NRAP: variants seen among roughly 807,000 people sequenced by gnomAD.
NRAP encodes nebulin-related-anchoring protein.
In NRAP, 189 loss-of-function variants were observed where a neutral mutation model predicts 225.9. That is an observed-to-expected ratio of 0.84 (90% CI 0.74 to 0.94). The LOEUF (loss-of-function observed/expected upper bound fraction) is 0.94. Among genes scored for constraint, NRAP ranks in the 40% least tolerant of loss-of-function variants. The probability of loss-of-function intolerance (pLI) is 0.00; values close to 1 mark genes in which losing one functional copy is unlikely to be tolerated. For missense variants in NRAP, 2,176 were observed against 2,168.7 expected (o/e 1.00, Z -0.07); for synonymous variants, 769 against 790.7 (o/e 0.97, Z 0.46).
chr10:113,650,081 C>T lies in NRAP; in HGVS notation c.844G>A (p.Ala282Thr), dbSNP rs2275799. 428,495 of 1,607,864 alleles carry T rather than the reference C, an allele frequency of 0.27. 58,513 individuals carry two copies. Among genetic ancestry groups the T allele is most frequent in the African/African-American group, 0.37 (27,346 of 74,794 alleles). Residue 282 changes from alanine (A) to threonine (T), a missense_variant, in exon 9 of 42, where the codon GCT (alanine) becomes ACT (threonine). Transcript: ENST00000359988. Reference sequence around the variant, plus strand: ...CATTCCCTTGTCAAGATGCCCTCAGCTCCAATGGCTGGACCAGCCATTCCC... The same window carrying T: ...CATTCCCTTGTCAAGATGCCCTCAGTTCCAATGGCTGGACCAGCCATTCCC... Reference protein sequence around the residue: ...MRGMAGPAIGAEGILTRECAD... With the variant: ...MRGMAGPAIGTEGILTRECAD...
chr10:113,652,804 T>G (rs1850060330), intron 6 of NRAP, 131 bp downstream of exon 6: 1 of 658,162 alleles, frequency 1.5e-6, no homozygotes, highest in African/African-American at 1.8e-5. Flanking sequence ...AACACAGTTT[T>G]CTCTGTAATA....
At chr10:113,610,428 C>T (rs771198801) in intron 31 of NRAP, 31 bp downstream of exon 31, 5 of 981,706 alleles carry the variant, frequency 5.1e-6, no homozygotes, top group South Asian at 1.3e-5. Context: ...TGGAAATGTC[C>T]TGGACACTCA....
chr10:113,648,585 T>G (rs1239971679), intron 9 of NRAP, among the ~76,000 whole-genome samples: 1 of 151,726 alleles, frequency 6.6e-6, no homozygotes, highest in Admixed American at 6.6e-5. Context: ...AAAAGAAGAA[T>G]GAATTGGTTG....
In NRAP at chr10:113,598,034, C is replaced by T. The variant is rs767729370; in HGVS notation, c.4267G>A (p.Gly1423Arg). The T allele has an allele frequency of 6.8e-6, 11 of 1,613,726 alleles. No individual in the cohort carries two copies. Among genetic ancestry groups the T allele is most frequent in the Admixed American group, 1.7e-5 (1 of 59,958 alleles). ...TGTGGGGATCTCAGCGCCAGCCATC[C>T]TATGCCCTTCATGCCGATCAGGTCT... is the stretch of plus-strand genomic sequence containing the variant. ...KSDLIGMKGI[G>R]WLALRSPQME... is the part of the protein sequence containing the mutation. Residue 1423 changes from glycine (G) to arginine (R), a missense_variant, in exon 36 of 42, where the codon GGA (glycine) becomes AGA (arginine). Gly to Arg is a moderately radical substitution (Grantham distance 125). Around this residue, in one of 3 missense-constraint regions of NRAP, gnomAD observed 445 missense variants for 426.1 expected, o/e 1.04. Coordinates refer to ENST00000359988, the MANE Select transcript of NRAP (RefSeq NM_198060.4).
intron 18 of NRAP, 103 bp downstream of exon 18, chr10:113,631,406 G>T: frequency 1.5e-6 from 1 of 663,160 alleles, no homozygotes. Context: ...GTTGCAGGTA[G>T]AAGTCAATAA....
At chr10:113,594,457 A>G (rs1478336102) in intron 38 of NRAP, among the ~76,000 whole-genome samples, 7 of 152,170 alleles carry the variant, frequency 4.6e-5, no homozygotes, top group Admixed American at 4.6e-4. Context: ...CCCCAAATGC[A>G]CTGGCAGCTT....
At chr10:113,662,903 G>A (rs888720489) in intron 2 of NRAP, 137 bp from the exon 3 acceptor site, 5 of 467,424 alleles carry the variant, frequency 1.1e-5, no homozygotes, top group East Asian at 3.5e-5. Flanking sequence ...AATTAAGTTC[G>A]TGATTTTCCA....
chr10:113,592,419 A>G (rs1846045024), intron 38 of NRAP, 118 bp from the exon 39 acceptor site: 2 of 577,050 alleles, frequency 3.5e-6, no homozygotes. Flanking sequence ...GGCACAGCCT[A>G]TAGCTCCATG....
At chr10:113,640,515 C>A (rs981555533) in intron 13 of NRAP, among the ~76,000 whole-genome samples, 184 bp from the exon 14 acceptor site, 2 of 152,122 alleles carry the variant, frequency 1.3e-5, no homozygotes, top group South Asian at 4.1e-4. Context: ...CTTAATTAGT[C>A]CAAAATTAGT....
Position 113,604,931 on chromosome 10 carries a change from G to A in NRAP, c.3916-11C>T, listed in dbSNP as rs751977177. ...ATGTCTGTAGAGAAACTGCAAGAAA[G>A]GGCTGGCCGGTCAAATTCTATCTGT... On this transcript the variant is annotated splice_polypyrimidine_tract_variant and intron_variant, in intron 34 of 41. Coordinates refer to ENST00000359988, the MANE Select transcript of NRAP (RefSeq NM_198060.4). 1 of 1,604,760 alleles carries A rather than the reference G, an allele frequency of 6.2e-7. No individual in the cohort carries two copies. The highest frequency in any genetic ancestry group is 8.5e-7 in the Non-Finnish European group (1 of 1,173,508).
intron 30 of NRAP, among the ~76,000 whole-genome samples, chr10:113,611,296 C>T (rs528219049): frequency 6.6e-6 from 1 of 152,100 alleles, no homozygotes; most frequent in African/African-American, 2.4e-5. Context: ...TGTACACAGG[C>T]GTAAAATCCA....
intron 7 of NRAP, among the ~76,000 whole-genome samples, 177 bp from the exon 8 acceptor site, chr10:113,650,722 C>A (rs1039138590): frequency 2.0e-5 from 3 of 152,184 alleles, no homozygotes; most frequent in Non-Finnish European, 4.4e-5. Flanking sequence ...ATTCCCAATA[C>A]CCAGCACAGT....
intron 22 of NRAP, 109 bp from the exon 23 acceptor site, chr10:113,623,745 T>C: frequency 1.4e-6 from 1 of 708,268 alleles, no homozygotes; most frequent in Non-Finnish European, 2.5e-6. Flanking sequence ...ATACTGATTA[T>C]TACGTCCTTC....
chr10:113,658,468 T>C (rs1306315167), intron 3 of NRAP, among the ~76,000 whole-genome samples: 3 of 152,140 alleles, frequency 2.0e-5, no homozygotes, highest in Non-Finnish European at 4.4e-5. Context: ...TTCATAACCT[T>C]GAGATAGACA....
chr10:113,663,350 AC>A lies in NRAP; in HGVS notation c.167+1del. Reference sequence around the variant, plus strand: ...GTAGTGGTGGGGGCATCAAACACTTACGCGTGACAGTACGGCTTTTTCTGGT... The same window carrying A: ...GTAGTGGTGGGGGCATCAAACACTTAGCGTGACAGTACGGCTTTTTCTGGT... On this transcript the variant is annotated splice_donor_variant, in intron 2 of 41. Coordinates refer to ENST00000359988, the MANE Select transcript of NRAP (RefSeq NM_198060.4). LOFTEE classifies it high-confidence loss of function. 6.3e-7 allele frequency: 1 copy of A among 1,586,808 alleles called. No homozygotes were observed. The highest frequency in any genetic ancestry group is 1.1e-5 in the South Asian group (1 of 90,482).
Position 113,598,065 on chromosome 10 carries a change from G to A in NRAP, c.4236C>T (p.Tyr1412=). 6.2e-7 allele frequency: 1 copy of A among 1,611,802 alleles called. No individual in the cohort carries two copies. Among genetic ancestry groups the A allele is most frequent in the Non-Finnish European group, 8.5e-7 (1 of 1,178,140 alleles). The change falls in exon 36 of 42, where the codon TAC becomes TAT. Residue 1412 remains tyrosine, a synonymous_variant. Coordinates refer to ENST00000359988, the MANE Select transcript of NRAP (RefSeq NM_198060.4). ...KAHALQSELR[Y]KSDLIGMKGI... is the part of the protein sequence containing the mutation. Reference sequence around the variant, plus strand: ...CCTTCATGCCGATCAGGTCTGACTTGTAGCGCAACTGCAGGGAAAAAAATC... The same window carrying A: ...CCTTCATGCCGATCAGGTCTGACTTATAGCGCAACTGCAGGGAAAAAAATC...
Position 113,590,889 on chromosome 10 carries a change from A to AC in NRAP, c.4645-1dup (p.Phe1549ValfsTer23), listed in dbSNP as rs1564690197. The AC allele has an allele frequency of 3.7e-6, 6 of 1,612,780 alleles. No homozygotes were observed. Among genetic ancestry groups the AC allele is most frequent in the Non-Finnish European group, 4.2e-6 (5 of 1,179,034 alleles). On this transcript the variant is annotated frameshift_variant and splice_region_variant. Transcript: ENST00000359988. LOFTEE classifies it high-confidence loss of function. ...CGCAGGAAAGCCTCTTTGTACCGGA[A>AC]CTGCAAGTCAGAGGAGCAGAGGCAG...
chr10:113,596,654 C>T (rs1846298241), intron 37 of NRAP, among the ~76,000 whole-genome samples: 1 of 152,172 alleles, frequency 6.6e-6, no homozygotes, highest in Non-Finnish European at 1.5e-5. Context: ...CAACAAGCAA[C>T]ATGTATCTGA....
At chr10:113,641,308 A>G in intron 13 of NRAP, 57 bp downstream of exon 13, 1 of 1,025,056 alleles carries the variant, frequency 9.8e-7, no homozygotes, top group Non-Finnish European at 1.5e-6. Context: ...GAATTGGCTG[A>G]ATTCTTCATG....
Sources: allele counts gnomAD v4.1 joint callset (sites outside exome capture counted in the v4.1 genomes callset), GRCh38; gene constraint gnomAD v4.1.1; regional missense constraint gnomAD v4.1.1; transcripts MANE v1.5; gene names NCBI Gene and HGNC (gene_info 2026-07-23, HGNC 2026-07-21).